Variants in LDLRAD4 observed in about 807,000 individuals in gnomAD.
The protein encoded by LDLRAD4 is low-density lipoprotein receptor class A domain-containing protein 4.
LDLRAD4 carries 5 observed loss-of-function variants against 17.0 expected under a neutral mutation model. The ratio of observed to expected loss-of-function variants is 0.29; its 90% CI spans 0.15 to 0.62. The LOEUF is 0.62. Ranked by LOEUF, LDLRAD4 falls within the 20% of genes least tolerant of loss-of-function variation. The pLI is 0.84. For synonymous variants in LDLRAD4, 168 were observed against 171.8 expected (o/e 0.98, Z 0.17); for missense variants, 340 against 424.7 (o/e 0.80, Z 1.75).
At chr18:13,254,194 AG>A (rs2145860404) in intron 1 of LDLRAD4, among the ~76,000 whole-genome samples, 1 of 152,282 alleles carries the variant, frequency 6.6e-6, no homozygotes, top group South Asian at 2.1e-4. Flanking sequence ...AAGGCAGAAG[AG>A]CCTGTCTGGG....
intron 1 of LDLRAD4, among the ~76,000 whole-genome samples, chr18:13,223,588 A>C (rs1236075013): frequency 6.6e-6 from 1 of 152,292 alleles, no homozygotes; most frequent in Admixed American, 6.5e-5. Context: ...TCCATTGGAA[A>C]GTCTCTCTGC....
At chr18:13,326,382 A>T (rs2081538637) in intron 1 of LDLRAD4, among the ~76,000 whole-genome samples, 1 of 152,190 alleles carries the variant, frequency 6.6e-6, no homozygotes, top group Non-Finnish European at 1.5e-5. Context: ...TTTGAAGAGA[A>T]AAAAGGGCGT....
Position 13,643,354 on chromosome 18 carries a change from G to C in LDLRAD4, c.337-5G>C. The C allele has an allele frequency of 6.8e-7, 1 of 1,461,558 alleles. No homozygotes were observed. Among genetic ancestry groups the C allele is most frequent in the Non-Finnish European group, 9.1e-7 (1 of 1,100,990 alleles). The allele number at this position is 1,461,558 out of a possible 1,614,324, so 90.5% of individuals were successfully genotyped here. ...CCCCACTCTCCTCCCCTTCCCCTCCGCCAGGAAGGGTGCCTGTGGCCTTCA... is the reference window on the plus strand; with the variant it reads ...CCCCACTCTCCTCCCCTTCCCCTCCCCCAGGAAGGGTGCCTGTGGCCTTCA... On this transcript the variant is annotated splice_polypyrimidine_tract_variant and splice_region_variant and intron_variant, in intron 4 of 5. Coordinates refer to ENST00000359446, the Ensembl canonical transcript of LDLRAD4.
chr18:13,417,389 CTATT>C (rs1250710881), intron 2 of LDLRAD4, among the ~76,000 whole-genome samples: 1 of 151,348 alleles, frequency 6.6e-6, no homozygotes, highest in African/African-American at 2.4e-5. Flanking sequence ...CTAAACCTCT[CTATT>C]TATTTGCCAG....
chr18:13,524,482 G>A (rs2093999715), intron 3 of LDLRAD4, among the ~76,000 whole-genome samples: 1 of 152,098 alleles, frequency 6.6e-6, no homozygotes, highest in Non-Finnish European at 1.5e-5. Flanking sequence ...CTGTTATCTG[G>A]GAACAGAGTT....
chr18:13,369,152 G>A (rs755993266), intron 1 of LDLRAD4, among the ~76,000 whole-genome samples: 6 of 152,216 alleles, frequency 3.9e-5, no homozygotes, highest in Non-Finnish European at 5.9e-5. Flanking sequence ...GGCTGAGGCC[G>A]GGCTCACAGG....
intron 1 of LDLRAD4, among the ~76,000 whole-genome samples, chr18:13,324,606 A>G (rs1472760142): frequency 6.6e-6 from 1 of 152,106 alleles, no homozygotes; most frequent in African/African-American, 2.4e-5. Context: ...CTCTGAGGCC[A>G]GGCATCCGGG....
intron 1 of LDLRAD4, among the ~76,000 whole-genome samples, chr18:13,249,172 C>A (rs962879279): frequency 6.6e-6 from 1 of 152,118 alleles, no homozygotes; most frequent in Admixed American, 6.5e-5. Context: ...TAGGTTGATT[C>A]TGTATCTTGG....
intron 3 of LDLRAD4, chr18:13,613,939 G>A (rs925539853): frequency 3.9e-5 from 6 of 152,236 alleles, no homozygotes; most frequent in African/African-American, 1.4e-4. Context: ...GCTATAAACA[G>A]GCAGCTCAGA....
chr18:13,575,371 C>G (rs1364037049), intron 3 of LDLRAD4, among the ~76,000 whole-genome samples: 1 of 152,204 alleles, frequency 6.6e-6, no homozygotes, highest in Non-Finnish European at 1.5e-5. Flanking sequence ...TAATAGTCTC[C>G]ATCCAGGTTG....
At chr18:13,232,326 G>A (rs577778781) in intron 1 of LDLRAD4, among the ~76,000 whole-genome samples, 127 of 152,244 alleles carry the variant, frequency 8.3e-4, no homozygotes, top group African/African-American at 2.7e-3. Context: ...TGTCCCACTC[G>A]CCTCCCGCCT....
intron 1 of LDLRAD4, among the ~76,000 whole-genome samples, chr18:13,335,484 T>A (rs1308864293): frequency 6.6e-6 from 1 of 152,220 alleles, no homozygotes; most frequent in Admixed American, 6.5e-5. Flanking sequence ...CACTACAATT[T>A]TTGCTGGTTG....
intron 3 of LDLRAD4, among the ~76,000 whole-genome samples, chr18:13,455,162 T>C (rs544329232): frequency 1.3e-5 from 2 of 152,240 alleles, no homozygotes; most frequent in Admixed American, 1.3e-4. Context: ...ACCAGGGATG[T>C]TCCTCAGGCT....
intron 1 of LDLRAD4, among the ~76,000 whole-genome samples, chr18:13,343,849 T>C (rs2082521727): frequency 6.6e-6 from 1 of 152,268 alleles, no homozygotes. Context: ...ATGAGCATTT[T>C]TTCTGTGCCT....
intron 3 of LDLRAD4, among the ~76,000 whole-genome samples, chr18:13,569,498 A>G (rs1368474143): frequency 2.0e-5 from 3 of 152,186 alleles, no homozygotes; most frequent in Non-Finnish European, 4.4e-5. Context: ...CAAGGAAAAA[A>G]ATATTCTCAA....
chr18:13,451,395 T>C (rs1354926659), intron 3 of LDLRAD4, among the ~76,000 whole-genome samples: 1 of 152,082 alleles, frequency 6.6e-6, no homozygotes, highest in Non-Finnish European at 1.5e-5. Context: ...ACCTCCCCCC[T>C]CACTCCTTGC....
chr18:13,481,520 T>C (rs956729371), intron 3 of LDLRAD4, among the ~76,000 whole-genome samples: 1 of 152,228 alleles, frequency 6.6e-6, no homozygotes, highest in Non-Finnish European at 1.5e-5. Flanking sequence ...GGAAGACTTC[T>C]GGTGGCCCTC....
At chr18:13,333,946 T>C (rs1057385489) in intron 1 of LDLRAD4, among the ~76,000 whole-genome samples, 2 of 152,242 alleles carry the variant, frequency 1.3e-5, no homozygotes, top group Admixed American at 1.3e-4. Context: ...AATAACTTGC[T>C]GGGATTTTGA....
chr18:13,339,950 C>T (rs1242935300), intron 1 of LDLRAD4, among the ~76,000 whole-genome samples: 3 of 152,116 alleles, frequency 2.0e-5, no homozygotes, highest in African/African-American at 7.2e-5. Flanking sequence ...CCTGATTTTG[C>T]CCCCTCCTCA....
Sources: gnomAD v4.1 joint callset for allele counts (sites outside exome capture counted in the v4.1 genomes callset) on GRCh38, gnomAD v4.1.1 for gene constraint, MANE v1.5 for transcripts, NCBI Gene and HGNC (gene_info 2026-07-23, HGNC 2026-07-21) for gene names.